The following GRB14 variants were observed in gnomAD, a reference collection of about 807,000 sequenced individuals.
GRB14 encodes the protein growth factor receptor-bound protein 14.
In GRB14, 38 loss-of-function variants were observed where a neutral mutation model predicts 69.1. That is an observed-to-expected ratio of 0.55 (90% CI 0.42 to 0.72). The LOEUF is 0.72. Among genes scored for constraint, GRB14 ranks in the 30% least tolerant of loss-of-function variants. The pLI is 0.00. For synonymous variants in GRB14, 247 were observed against 241.3 expected (o/e 1.02, Z -0.22); for missense variants, 666 against 666.1 (o/e 1.00, Z 0.00).
chr2:164,507,690 A>C (rs1372762142), intron 8 of GRB14, among the ~76,000 whole-genome samples: 1 of 152,196 alleles, frequency 6.6e-6, no homozygotes, highest in African/African-American at 2.4e-5. Flanking sequence ...TATCTTTTCA[A>C]CAACAAAATT....
intron 12 of GRB14, 101 bp downstream of exon 12, chr2:164,496,906 TA>T: frequency 1.1e-6 from 1 of 875,724 alleles, no homozygotes; most frequent in Non-Finnish European, 1.8e-6. Flanking sequence ...TGTTTTATGA[TA>T]AGCCCAAATC....
chr2:164,593,100 T>C (rs1403157211), intron 2 of GRB14, among the ~76,000 whole-genome samples: 4 of 152,140 alleles, frequency 2.6e-5, no homozygotes, highest in Non-Finnish European at 5.9e-5. Context: ...GCAAAGCAAA[T>C]AGAATATGCT....
intron 5 of GRB14, among the ~76,000 whole-genome samples, chr2:164,522,625 G>T (rs542451031): frequency 6.6e-6 from 1 of 152,248 alleles, no homozygotes; most frequent in African/African-American, 2.4e-5. Context: ...CAATTGTGAA[G>T]CAGGAAGTTG....
intron 2 of GRB14, among the ~76,000 whole-genome samples, chr2:164,613,237 T>C (rs1487852329): frequency 6.6e-6 from 1 of 152,152 alleles, no homozygotes; most frequent in Non-Finnish European, 1.5e-5. Context: ...ATCATACAAA[T>C]ATGATTAGAA....
chr2:164,601,803 A>G (rs1689920140), intron 2 of GRB14, among the ~76,000 whole-genome samples: 1 of 152,164 alleles, frequency 6.6e-6, no homozygotes, highest in African/African-American at 2.4e-5. Flanking sequence ...AGACCTTCAC[A>G]ATTCAGGATA....
At chr2:164,516,346 A>G (rs1687485359) in intron 6 of GRB14, among the ~76,000 whole-genome samples, 3 of 151,966 alleles carry the variant, frequency 2.0e-5, no homozygotes, top group South Asian at 4.1e-4. Context: ...AAGAAAACCT[A>G]CCATGGTGGC....
At chr2:164,499,956 G>A (rs537249815) in intron 9 of GRB14, among the ~76,000 whole-genome samples, 100 of 152,262 alleles carry the variant, frequency 6.6e-4, no homozygotes, top group African/African-American at 2.3e-3. Flanking sequence ...CAGGATACCA[G>A]TGACTTGACC....
intron 2 of GRB14, among the ~76,000 whole-genome samples, chr2:164,585,910 T>C (rs1172033758): frequency 6.6e-6 from 1 of 152,200 alleles, no homozygotes; most frequent in Non-Finnish European, 1.5e-5. Flanking sequence ...ATCCAGTCAC[T>C]TAGTCAACCA....
At chr2:164,521,508 T>C (rs112382808) in intron 6 of GRB14, among the ~76,000 whole-genome samples, 6 of 152,032 alleles carry the variant, frequency 3.9e-5, no homozygotes, top group African/African-American at 4.8e-5. Context: ...TAAAAACCTA[T>C]TGAAATAAAT....
In GRB14 at chr2:164,621,235, C is replaced by A; in HGVS notation, c.75G>T (p.Gln25His). The A allele has an allele frequency of 7.9e-7, 1 of 1,263,804 alleles. No individual in the cohort carries two copies. The highest frequency in any genetic ancestry group is 3.0e-5 in the East Asian group (1 of 33,508). The allele number at this position is 1,263,804 out of a possible 1,614,324, so 78.3% of individuals were successfully genotyped here. The change falls in exon 1 of 14, where the codon CAG (glutamine) becomes CAT (histidine). Residue 25 changes from glutamine to histidine, a missense_variant. Physicochemically the swap from Gln to His is conservative, Grantham distance 24 (BLOSUM62 0). Transcript: ENST00000263915. The surrounding 1 kb of genome is among the most constrained non-coding windows in gnomAD (Gnocchi z 6.0). Reference sequence around the variant, plus strand: ...CCCTCCCCTGGGCAGCGCCACACACCTGGGCGGCCAGCGGCGAATCCCGGG... The same window carrying A: ...CCCTCCCCTGGGCAGCGCCACACACATGGGCGGCCAGCGGCGAATCCCGGG... ...AAARDSPLAAQVCGAAQGRGD... is the reference protein window; with the variant it reads ...AAARDSPLAAHVCGAAQGRGD...
At chr2:164,617,272 C>T (rs78005370) in intron 2 of GRB14, among the ~76,000 whole-genome samples, 4,792 of 152,066 alleles carry the variant, frequency 0.032, 218 homozygotes, top group African/African-American at 0.099. Context: ...AAAAATCAGG[C>T]GGGGACTCTC....
chr2:164,621,316 C>G lies in GRB14; in HGVS notation c.-7G>C. 7.8e-7 allele frequency: 1 copy of G among 1,284,414 alleles called. No homozygotes were observed. The highest frequency in any genetic ancestry group is 9.8e-7 in the Non-Finnish European group (1 of 1,015,658). The allele number at this position is 1,284,414 out of a possible 1,614,324, so 79.6% of individuals were successfully genotyped here. A position where few individuals can be genotyped will look rare whatever the true frequency, so the allele number is the denominator to read the frequency against. On this transcript the variant is annotated 5_prime_UTR_variant, in exon 1 of 14. Coordinates refer to ENST00000263915, the MANE Select transcript of GRB14 (RefSeq NM_004490.3). This position sits in a 1 kb window ranked among gnomAD's most constrained non-coding sequence, Gnocchi z 6.0. ...CTTGCAGGGAAGTGGTCATTGTCGC[C>G]GGCCGGGGGGCTCGGGCGTCATGGG...
rs995339517 is a variant in GRB14, at chr2:164,508,929, C to A, written c.817-77G>T. On this transcript the variant is annotated intron_variant, in intron 6 of 13. Coordinates refer to ENST00000263915, the MANE Select transcript of GRB14 (RefSeq NM_004490.3). ...GTGTGTTTATATTATATAATTTATA[C>A]CTTGGGCAAAAACTTATGACCAACA... is the stretch of plus-strand genomic sequence containing the variant. 8 of 916,426 alleles carry A rather than the reference C, an allele frequency of 8.7e-6. No individual in the cohort carries two copies. The South Asian group carries it at 2.0e-4, about 23-fold the overall frequency. The allele number at this position is 916,426 out of a possible 1,614,324, so 56.8% of individuals were successfully genotyped here.
At chr2:164,549,944 A>G (rs948741273) in intron 2 of GRB14, among the ~76,000 whole-genome samples, 29 of 151,356 alleles carry the variant, frequency 1.9e-4, no homozygotes, top group Non-Finnish European at 2.9e-5. Context: ...AAAATTTCAT[A>G]TTCTATATTT....
chr2:164,595,916 G>T (rs1473697964), intron 2 of GRB14, among the ~76,000 whole-genome samples: 1 of 152,118 alleles, frequency 6.6e-6, no homozygotes. Flanking sequence ...ACAAGATCAG[G>T]AGATCGAGAC....
intron 2 of GRB14, among the ~76,000 whole-genome samples, chr2:164,617,974 A>C (rs1464508365): frequency 1.8e-5 from 1 of 54,944 alleles, no homozygotes; most frequent in East Asian, 8.5e-4. Context: ...GGGGGGGGGT[A>C]GTGTCAGCGG....
At chr2:164,540,081 G>A (rs1688192444) in intron 3 of GRB14, among the ~76,000 whole-genome samples, 1 of 152,060 alleles carries the variant, frequency 6.6e-6, no homozygotes, top group African/African-American at 2.4e-5. Context: ...CTGGTCCTGG[G>A]GCAACTCTGT....
chr2:164,621,041 AC>A lies in GRB14; in HGVS notation c.191+77del. On this transcript the variant is annotated intron_variant, in intron 1 of 13. Coordinates refer to ENST00000263915, the MANE Select transcript of GRB14 (RefSeq NM_004490.3). The surrounding 1 kb of genome is among the most constrained non-coding windows in gnomAD (Gnocchi z 6.0). ...TGGCCCAGCTCTGGGCACATGGCTC[AC>A]CCCCTAGGACCGCCTCCTCACCCCC... 3 of 1,173,118 alleles carry A rather than the reference AC, an allele frequency of 2.6e-6. No homozygotes were observed. Among genetic ancestry groups the A allele is most frequent in the East Asian group, 3.2e-5 (1 of 31,276 alleles). 72.7% of individuals were successfully genotyped at this position (1,173,118 alleles called of 1,614,324 possible).
At chr2:164,532,988 C>T (rs1396198401) in intron 3 of GRB14, among the ~76,000 whole-genome samples, 1 of 151,842 alleles carries the variant, frequency 6.6e-6, no homozygotes, top group Non-Finnish European at 1.5e-5. Flanking sequence ...TGGTGTAGGT[C>T]CCAAGTGCCC....
Sources: allele counts gnomAD v4.1 joint callset (sites outside exome capture counted in the v4.1 genomes callset), GRCh38; gene constraint gnomAD v4.1.1; non-coding constraint Gnocchi (gnomAD v3.1); transcripts MANE v1.5; gene names NCBI Gene and HGNC (gene_info 2026-07-23, HGNC 2026-07-21).